Variants in XYLT1 observed in about 807,000 individuals in gnomAD.
The protein encoded by XYLT1 is xylosyltransferase 1.
In XYLT1, 36 loss-of-function variants were observed where a neutral mutation model predicts 91.3. The observed-to-expected ratio is 0.39, with a 90% CI of 0.30 to 0.52. The LOEUF is 0.52. XYLT1 is among the 20% of genes least tolerant of loss of function. The pLI is 0.68. For missense variants in XYLT1, 1,242 were observed against 1,284.5 expected (o/e 0.97, Z 0.51); for synonymous variants, 588 against 532.0 (o/e 1.11, Z -1.45).
At chr16:17,258,090 C>T (rs960606529) in intron 3 of XYLT1, among the ~76,000 whole-genome samples, 11 of 151,530 alleles carry the variant, frequency 7.3e-5, no homozygotes, top group East Asian at 3.9e-4. Flanking sequence ...TCAGGTCATC[C>T]GCACATAAAA....
chr16:17,252,027 A>G (rs1356364058), intron 3 of XYLT1, among the ~76,000 whole-genome samples: 4 of 152,192 alleles, frequency 2.6e-5, no homozygotes, highest in Non-Finnish European at 5.9e-5. Context: ...ACACCATCAA[A>G]GAAACCCTTT....
At chr16:17,421,840 T>A (rs1465112656) in intron 1 of XYLT1, among the ~76,000 whole-genome samples, 2 of 152,148 alleles carry the variant, frequency 1.3e-5, no homozygotes, top group African/African-American at 2.4e-5. Flanking sequence ...CAGAGAACTG[T>A]TAACATTTTT....
intron 8 of XYLT1, among the ~76,000 whole-genome samples, 159 bp from the exon 9 acceptor site, chr16:17,134,894 A>G (rs1373982512): frequency 6.6e-6 from 1 of 152,200 alleles, no homozygotes; most frequent in Non-Finnish European, 1.5e-5. Context: ...CAACATCTGT[A>G]AAATGGGTTA....
chr16:17,272,873 C>G (rs1214806664), intron 2 of XYLT1, among the ~76,000 whole-genome samples: 1 of 152,168 alleles, frequency 6.6e-6, no homozygotes. Flanking sequence ...CCCAAAAGAT[C>G]CTTGTATTCC....
chr16:17,196,248 C>T (rs1052779931), intron 5 of XYLT1, among the ~76,000 whole-genome samples: 3 of 152,154 alleles, frequency 2.0e-5, no homozygotes, highest in Non-Finnish European at 4.4e-5. Context: ...GTAGGTCTTC[C>T]TTCCATGCTT....
chr16:17,243,805 G>T (rs1318325576), intron 3 of XYLT1, among the ~76,000 whole-genome samples: 2 of 152,154 alleles, frequency 1.3e-5, no homozygotes, highest in African/African-American at 4.8e-5. Flanking sequence ...GAAAGTCAGA[G>T]GGGTGAGGGG....
chr16:17,245,675 T>C lies in XYLT1; in HGVS notation c.913+13313A>G, dbSNP rs151332207. On this transcript the variant is annotated intron_variant, in intron 3 of 11. Transcript: ENST00000261381. ...AAATTTCACAGCCATTAAAAGGCTC[T>C]AACACCAGAATGACTGACATGGTGT... 2.8e-3 allele frequency among the ~76,000 whole-genome samples: 428 copies of C among 152,348 alleles called. 3 individuals carry two copies. Among genetic ancestry groups the C allele is most frequent in the African/African-American group, 0.01 (417 of 41,580 alleles).
chr16:17,206,351 T>C (rs1347528300), intron 3 of XYLT1, among the ~76,000 whole-genome samples: 2 of 151,942 alleles, frequency 1.3e-5, no homozygotes, highest in East Asian at 3.9e-4. Flanking sequence ...TGATTAAACT[T>C]GGGAGCTGTC....
chr16:17,452,415 G>C (rs562659670), intron 1 of XYLT1, among the ~76,000 whole-genome samples: 24 of 151,092 alleles, frequency 1.6e-4, no homozygotes, highest in Admixed American at 6.6e-5. Context: ...TTCAGACCAA[G>C]GAGTTCGAGA....
chr16:17,126,318 A>T (rs139768431), intron 10 of XYLT1, among the ~76,000 whole-genome samples: 1 of 152,180 alleles, frequency 6.6e-6, no homozygotes, highest in African/African-American at 2.4e-5. Context: ...CCAGGCATTC[A>T]TCTCTTTAAT....
chr16:17,282,240 C>A (rs1316851839), intron 2 of XYLT1, among the ~76,000 whole-genome samples: 1 of 152,146 alleles, frequency 6.6e-6, no homozygotes, highest in Admixed American at 6.5e-5. Flanking sequence ...GAATAAAATA[C>A]CTTACTGAAG....
At chr16:17,321,841 A>G (rs184592718) in intron 2 of XYLT1, among the ~76,000 whole-genome samples, 28 of 152,282 alleles carry the variant, frequency 1.8e-4, no homozygotes, top group African/African-American at 6.5e-4. Flanking sequence ...CACACAAAAA[A>G]TGACTTATCC....
chr16:17,338,629 C>CT (rs952275345), intron 2 of XYLT1: 32 of 384,402 alleles, frequency 8.3e-5, no homozygotes, highest in South Asian at 1.2e-4. Context: ...CACATTCACC[C>CT]TTTTTTTTGG....
chr16:17,168,919 T>C (rs1380449236), intron 5 of XYLT1, among the ~76,000 whole-genome samples: 2 of 152,228 alleles, frequency 1.3e-5, no homozygotes, highest in Non-Finnish European at 2.9e-5. Context: ...TGGCAAGGCA[T>C]GCAAGGTTGT....
At chr16:17,363,289 G>A (rs906311036) in intron 1 of XYLT1, among the ~76,000 whole-genome samples, 6 of 152,178 alleles carry the variant, frequency 3.9e-5, no homozygotes, top group African/African-American at 1.4e-4. Context: ...TCGCCCCAGA[G>A]TTCAAACCAT....
intron 2 of XYLT1, among the ~76,000 whole-genome samples, chr16:17,324,957 A>G (rs1448875148): frequency 6.6e-6 from 1 of 152,220 alleles, no homozygotes; most frequent in East Asian, 1.9e-4. Flanking sequence ...CTTTATCATA[A>G]CACGAGTTAT....
intron 2 of XYLT1, among the ~76,000 whole-genome samples, chr16:17,317,459 C>G (rs1000772397): frequency 6.6e-6 from 1 of 151,388 alleles, no homozygotes; most frequent in African/African-American, 2.4e-5. Context: ...AGAGTAGTAA[C>G]TCATCACTAC....
chr16:17,376,264 C>G (rs900999528), intron 1 of XYLT1, among the ~76,000 whole-genome samples: 8 of 152,182 alleles, frequency 5.3e-5, no homozygotes, highest in African/African-American at 1.9e-4. Context: ...AGGGATGGCG[C>G]TCCATATCCT....
chr16:17,417,987 G>A (rs561083487), intron 1 of XYLT1, among the ~76,000 whole-genome samples: 20 of 152,290 alleles, frequency 1.3e-4, no homozygotes, highest in South Asian at 6.2e-4. Context: ...TGCCAGGCAC[G>A]TGCATGAGAC....
Sources: gnomAD v4.1 joint callset for allele counts (sites outside exome capture counted in the v4.1 genomes callset) on GRCh38, gnomAD v4.1.1 for gene constraint, MANE v1.5 for transcripts, NCBI Gene and HGNC (gene_info 2026-07-23, HGNC 2026-07-21) for gene names.